Variants in SCAPER observed in about 807,000 individuals in gnomAD.
SCAPER encodes the protein S-phase cyclin A associated protein in the ER.
Under a neutral mutation model 182.2 loss-of-function variants are expected in SCAPER, and 98 were observed. The observed-to-expected ratio is 0.54, with a 90% CI of 0.46 to 0.64. The LOEUF is 0.64. Among genes scored for constraint, SCAPER ranks in the 30% least tolerant of loss-of-function variants. SCAPER has a pLI of 0.00. For synonymous variants in SCAPER, 605 were observed against 564.6 expected (o/e 1.07, Z -1.01); for missense variants, 1,432 against 1,690.0 (o/e 0.85, Z 2.68).
intron 29 of SCAPER, among the ~76,000 whole-genome samples, chr15:76,369,807 TG>T (rs2042028598): frequency 6.6e-6 from 1 of 152,244 alleles, no homozygotes; most frequent in African/African-American, 2.4e-5. Context: ...CAGCAAGCTG[TG>T]GCTATTCCTA....
chr15:76,687,208 C>T (rs2058080107), intron 20 of SCAPER, among the ~76,000 whole-genome samples: 1 of 151,828 alleles, frequency 6.6e-6, no homozygotes, highest in African/African-American at 2.4e-5. Flanking sequence ...GAACAAAAAC[C>T]AATCGGATAA....
At chr15:76,842,550 T>G (rs2011635) in intron 4 of SCAPER, among the ~76,000 whole-genome samples, 2 of 152,094 alleles carry the variant, frequency 1.3e-5, no homozygotes, top group Non-Finnish European at 2.9e-5. Flanking sequence ...CATGCTGAAC[T>G]GTGAGTCAAT....
chr15:76,490,094 C>T (rs1433904146), intron 24 of SCAPER, among the ~76,000 whole-genome samples: 1 of 152,086 alleles, frequency 6.6e-6, no homozygotes, highest in Non-Finnish European at 1.5e-5. Flanking sequence ...GTCAATAGTG[C>T]TGAAATAAAT....
chr15:76,712,092 T>A (rs1165036494), intron 17 of SCAPER, among the ~76,000 whole-genome samples: 1 of 152,232 alleles, frequency 6.6e-6, no homozygotes, highest in Non-Finnish European at 1.5e-5. Flanking sequence ...AAGTCCTTAA[T>A]CCATCTTGAA....
At chr15:76,672,912 CA>C (rs2057123678) in intron 20 of SCAPER, among the ~76,000 whole-genome samples, 1 of 151,920 alleles carries the variant, frequency 6.6e-6, no homozygotes. Flanking sequence ...CTAATACTGA[CA>C]TATCTTATTA....
Position 76,728,684 on chromosome 15 carries a change from T to C in SCAPER, c.2076A>G (p.Leu692=). ...GGGCTTCTTGTTCTTTCCTCTTCAT[T>C]AACAATTCTTCTACACGGGCCTGCC... The part of the protein sequence containing the change: ...AERQARVEEL[L]MKRKEQEARI... The change falls in exon 17 of 32, where the codon TTA becomes TTG. Residue 692 remains leucine (L), a synonymous_variant. Coordinates refer to ENST00000563290, the MANE Select transcript of SCAPER (RefSeq NM_020843.4). The C allele has an allele frequency of 6.2e-7, 1 of 1,613,542 alleles. No individual in the cohort carries two copies. Among genetic ancestry groups the C allele is most frequent in the Non-Finnish European group, 8.5e-7 (1 of 1,179,664 alleles).
intron 17 of SCAPER, among the ~76,000 whole-genome samples, chr15:76,719,621 C>T (rs565896002): frequency 6.8e-4 from 104 of 151,960 alleles, no homozygotes; most frequent in Non-Finnish European, 5.3e-4. Flanking sequence ...TATAGTAAAC[C>T]TTTTACTATC....
chr15:76,458,315 T>C (rs903222702), intron 25 of SCAPER, among the ~76,000 whole-genome samples: 2 of 152,036 alleles, frequency 1.3e-5, no homozygotes, highest in Non-Finnish European at 2.9e-5. Context: ...AGAAAAATTA[T>C]ATATGTAGAG....
rs868537038 is a variant in SCAPER, at chr15:76,479,610, T to C, written c.2955-8275A>G. Among the ~76,000 whole-genome samples the C allele has an allele frequency of 7.1e-4, 108 of 152,172 alleles. 1 individual carries two copies. Among genetic ancestry groups the C allele is most frequent in the African/African-American group, 2.4e-3 (99 of 41,532 alleles). On this transcript the variant is annotated intron_variant, in intron 24 of 31. Transcript: ENST00000563290. ...CTTTTGACAATAAGTGCAGGACATA[T>C]AGAAAAAGGACAGTAATAGAATACA...
chr15:76,636,626 A>G (rs2053626912), intron 21 of SCAPER, among the ~76,000 whole-genome samples: 1 of 152,196 alleles, frequency 6.6e-6, no homozygotes, highest in African/African-American at 2.4e-5. Context: ...TGCCTCTAAA[A>G]GTAGATATCT....
chr15:76,392,676 G>A (rs927243040), intron 27 of SCAPER, among the ~76,000 whole-genome samples: 2 of 152,188 alleles, frequency 1.3e-5, no homozygotes, highest in African/African-American at 4.8e-5. Flanking sequence ...GATTGAGCCT[G>A]GAGGATTGAG....
intron 10 of SCAPER, 83 bp downstream of exon 10, chr15:76,771,659 C>A: frequency 4.2e-6 from 4 of 944,466 alleles, no homozygotes; most frequent in Admixed American, 2.3e-5. Flanking sequence ...ATAAATCATA[C>A]AAGTTATTAT....
chr15:76,885,983 T>C (rs922349992), intron 1 of SCAPER, among the ~76,000 whole-genome samples: 2 of 152,244 alleles, frequency 1.3e-5, no homozygotes, highest in Non-Finnish European at 2.9e-5. Flanking sequence ...GGTATCATTT[T>C]GGTATATTGA....
intron 26 of SCAPER, among the ~76,000 whole-genome samples, chr15:76,409,385 A>G (rs2045109283): frequency 1.3e-5 from 2 of 152,198 alleles, no homozygotes; most frequent in African/African-American, 4.8e-5. Flanking sequence ...TGTAAATGAT[A>G]AATAAATGGG....
intron 2 of SCAPER, among the ~76,000 whole-genome samples, chr15:76,880,130 C>A (rs2073437780): frequency 6.6e-6 from 1 of 152,194 alleles, no homozygotes; most frequent in Non-Finnish European, 1.5e-5. Flanking sequence ...GTATGAAAAT[C>A]TCTGAACACA....
intron 5 of SCAPER, among the ~76,000 whole-genome samples, chr15:76,819,427 C>T: frequency 6.6e-6 from 1 of 152,192 alleles, no homozygotes; most frequent in Non-Finnish European, 1.5e-5. Context: ...TTGCAGTTCA[C>T]CAATATCCTC....
At position 76,598,938 on chromosome 15, in the gene SCAPER, T is replaced by TA. The variant is rs1173798554; in HGVS notation, c.2711+22825dup. Among the ~76,000 whole-genome samples, 95 of 104,862 alleles carry TA rather than the reference T, an allele frequency of 9.1e-4. 7 individuals carry two copies. The highest frequency in any genetic ancestry group is 9.0e-4 in the Admixed American group (8 of 8,886). 68.8% of individuals were successfully genotyped at this position (104,862 alleles called of 152,430 possible). On this transcript the variant is annotated intron_variant, in intron 22 of 31. Coordinates refer to ENST00000563290, the MANE Select transcript of SCAPER (RefSeq NM_020843.4). ...TTTATCCCAGAAATTAAAGTATAAT[T>TA]AAAAAAAAAAAACTTTTGCCAGGAC... is the stretch of plus-strand genomic sequence containing the variant.
At chr15:76,693,302 A>C (rs2058478556) in intron 20 of SCAPER, among the ~76,000 whole-genome samples, 1 of 152,178 alleles carries the variant, frequency 6.6e-6, no homozygotes, top group African/African-American at 2.4e-5. Context: ...AGACCAACCT[A>C]TTTGGATGGC....
At chr15:76,605,382 C>A (rs2050295230) in intron 22 of SCAPER, among the ~76,000 whole-genome samples, 1 of 152,222 alleles carries the variant, frequency 6.6e-6, no homozygotes, top group African/African-American at 2.4e-5. Context: ...CCCACTTGAT[C>A]GTGGTGGATA....
Sources: allele counts gnomAD v4.1 joint callset (sites outside exome capture counted in the v4.1 genomes callset), GRCh38; gene constraint gnomAD v4.1.1; transcripts MANE v1.5; gene names NCBI Gene and HGNC (gene_info 2026-07-23, HGNC 2026-07-21).